GATA4: variants seen among roughly 807,000 people sequenced by gnomAD.
The protein encoded by GATA4 is transcription factor GATA-4.
Under a neutral mutation model 37.9 loss-of-function variants are expected in GATA4, and 7 were observed. That is an observed-to-expected ratio of 0.18 (90% confidence interval 0.11 to 0.35). The LOEUF is 0.35. GATA4 is among the 10% of genes least tolerant of loss of function. GATA4 has a pLI of 1.00. For synonymous variants in GATA4, 372 were observed against 292.6 expected, an observed-to-expected ratio of 1.27 and a Z score of -2.77; for missense variants, 647 against 653.0, an observed-to-expected ratio of 0.99 and a Z score of 0.10.
At chr8:11,736,509 G>A (rs1427410986) in intron 2 of GATA4, among the ~76,000 whole-genome samples, 1 of 152,240 alleles carries the variant, frequency 6.6e-6, no homozygotes, top group Non-Finnish European at 1.5e-5. Context: ...CCCGTTCACT[G>A]CATCAGGAGA....
upstream of GATA4, among the ~76,000 whole-genome samples, chr8:11,690,402 T>A (rs1233501448): frequency 6.6e-6 from 1 of 152,160 alleles, no homozygotes. Context: ...AGATGTCAAA[T>A]ATAAGATTTC....
chr8:11,736,911 C>T (rs12544504), intron 2 of GATA4, among the ~76,000 whole-genome samples: 5,959 of 152,216 alleles, frequency 0.039, 382 homozygotes, highest in African/African-American at 0.14. Context: ...CCCAGGTCCA[C>T]GACTGCAGGG....
At chr8:11,736,075 C>T (rs893743020) in intron 2 of GATA4, among the ~76,000 whole-genome samples, 1 of 152,004 alleles carries the variant, frequency 6.6e-6, no homozygotes, top group Admixed American at 6.6e-5. Context: ...CCAAGCCCAG[C>T]TAATTATTAT....
intron 1 of GATA4, chr8:11,697,669 C>G (rs1391200903): frequency 2.0e-6 from 2 of 985,336 alleles, no homozygotes; most frequent in East Asian, 2.3e-4. Flanking sequence ...CGGGTCTTCG[C>G]GCCTGCGGAC....
rs1802264971 is a variant in GATA4, at chr8:11,750,770, T to TG, written c.912+534_912+535insG. Among the ~76,000 whole-genome samples, 3 of 88,802 alleles carry TG rather than the reference T, an allele frequency of 3.4e-5. No homozygotes were observed. In the Admixed American group the frequency reaches 3.9e-4, roughly 11 times the overall value. The allele number at this position is 88,802 out of a possible 152,430, so 58.3% of individuals were successfully genotyped here. A position where few individuals can be genotyped will look rare whatever the true frequency, so the allele number is the denominator to read the frequency against. ...CAACATGGTGAAACTTTGTCTCTACTAAAAAAAAAAAAAAAAAAAAAAAAA... is the reference window on the plus strand; with the variant it reads ...CAACATGGTGAAACTTTGTCTCTACTGAAAAAAAAAAAAAAAAAAAAAAAAA... On this transcript the variant is annotated intron_variant, in intron 4 of 6. Transcript: ENST00000532059.
At chr8:11,748,579 G>C (rs1264549086) in intron 2 of GATA4, among the ~76,000 whole-genome samples, 2 of 152,200 alleles carry the variant, frequency 1.3e-5, no homozygotes, top group African/African-American at 4.8e-5. Context: ...GAGAGAGCAA[G>C]GTTTGCGTGG....
chr8:11,715,749 A>T (rs959314968), intron 2 of GATA4, among the ~76,000 whole-genome samples: 8 of 152,144 alleles, frequency 5.3e-5, no homozygotes, highest in African/African-American at 1.9e-4. Flanking sequence ...TCAGAAAAAA[A>T]AAACAACTCA....
intron 1 of GATA4, among the ~76,000 whole-genome samples, chr8:11,695,643 G>A (rs547932231): frequency 1.3e-4 from 20 of 152,248 alleles, no homozygotes; most frequent in South Asian, 4.2e-4. Flanking sequence ...GGTTCTCTCC[G>A]CTTCCCATCA....
upstream of GATA4, among the ~76,000 whole-genome samples, chr8:11,703,959 C>T (rs1799777521): frequency 6.6e-6 from 1 of 152,250 alleles, no homozygotes; most frequent in Admixed American, 6.5e-5. Flanking sequence ...CGAACCCAAT[C>T]GACCTCCGGC....
At chr8:11,688,046 A>G (rs1799196219), upstream of GATA4, among the ~76,000 whole-genome samples, 1 of 152,210 alleles carries the variant, frequency 6.6e-6, no homozygotes, top group Admixed American at 6.5e-5. Flanking sequence ...CTTAAACCCA[A>G]CTGAGTAAAT....
chr8:11,756,702 TAA>T (rs796494872), intron 5 of GATA4: 24 of 590,790 alleles, frequency 4.1e-5, no homozygotes, highest in African/African-American at 3.9e-4. Flanking sequence ...AATCTTTTTT[TAA>T]AAAGTTTTGA....
chr8:11,693,556 C>G (rs866760133), intron 1 of GATA4, among the ~76,000 whole-genome samples: 3,583 of 102,374 alleles, frequency 0.035, 65 homozygotes, highest in Middle Eastern at 0.05. Context: ...CACACACACA[C>G]ACACACAGAG....
At chr8:11,738,247 T>C (rs1489728337) in intron 2 of GATA4, among the ~76,000 whole-genome samples, 1 of 151,502 alleles carries the variant, frequency 6.6e-6, no homozygotes, top group Non-Finnish European at 1.5e-5. Context: ...GTTGAGTATT[T>C]AAAAGGTACA....
intron 2 of GATA4, among the ~76,000 whole-genome samples, chr8:11,742,764 G>A (rs1317434623): frequency 6.6e-6 from 1 of 152,260 alleles, no homozygotes; most frequent in Non-Finnish European, 1.5e-5. Context: ...CTTTGTTTGG[G>A]CCTCGTGCCC....
upstream of GATA4, among the ~76,000 whole-genome samples, chr8:11,699,186 TGGACA>T (rs746573170): frequency 1.3e-5 from 2 of 151,736 alleles, no homozygotes; most frequent in African/African-American, 4.8e-5. Context: ...TGCATGTGTG[TGGACA>T]GCCAACCCCA....
At chr8:11,680,881 A>AC in intron 1 of GATA4, 2 of 983,978 alleles carry the variant, frequency 2.0e-6, no homozygotes, top group Non-Finnish European at 2.4e-6. Flanking sequence ...CTCAGTTGCG[A>AC]CCCCCTGTGT....
At chr8:11,700,074 T>C (rs369559854), upstream of GATA4, among the ~76,000 whole-genome samples, 7 of 152,318 alleles carry the variant, frequency 4.6e-5, no homozygotes, top group South Asian at 1.4e-3. Flanking sequence ...ATGTGCTGGT[T>C]TCTAAGGTGA....
chr8:11,726,192 A>G (rs1162118619), intron 2 of GATA4, among the ~76,000 whole-genome samples: 2 of 152,294 alleles, frequency 1.3e-5, no homozygotes, highest in South Asian at 2.1e-4. Context: ...GACCTCTGTG[A>G]AAGGCTCTGC....
intron 2 of GATA4, among the ~76,000 whole-genome samples, chr8:11,735,107 T>C (rs1801393248): frequency 6.6e-6 from 1 of 152,240 alleles, no homozygotes; most frequent in Non-Finnish European, 1.5e-5. Context: ...GTATCTGCAA[T>C]GTTGTATTTC....
Sources: allele counts gnomAD v4.1 joint callset (sites outside exome capture counted in the v4.1 genomes callset), GRCh38; gene constraint gnomAD v4.1.1; transcripts MANE v1.5; gene names NCBI Gene and HGNC (gene_info 2026-07-23, HGNC 2026-07-21).